Variants in RELN observed in about 807,000 individuals in gnomAD.
The protein encoded by RELN is reelin.
RELN carries 108 observed loss-of-function variants against 427.6 expected under a neutral mutation model. The ratio of observed to expected loss-of-function variants is 0.25; its 90% CI spans 0.22 to 0.30. The LOEUF (loss-of-function observed/expected upper bound fraction) is 0.30. Among genes scored for constraint, RELN ranks in the 10% least tolerant of loss-of-function variants. RELN has a pLI of 1.00. For synonymous variants in RELN, 1,524 were observed against 1,513.4 expected (o/e 1.01, Z -0.16); for missense variants, 3,715 against 4,302.8 (o/e 0.86, Z 3.82).
chr7:103,675,935 C>T (rs575406307), intron 11 of RELN, among the ~76,000 whole-genome samples: 37 of 152,214 alleles, frequency 2.4e-4, no homozygotes, highest in African/African-American at 8.4e-4. Context: ...CATAAATACC[C>T]TAGAAGAAAA....
intron 28 of RELN, among the ~76,000 whole-genome samples, chr7:103,585,321 T>C (rs985812216): frequency 1.3e-5 from 2 of 151,854 alleles, no homozygotes; most frequent in Non-Finnish European, 2.9e-5. Flanking sequence ...TTATGCAAGA[T>C]GAAAAGAGAG....
intron 46 of RELN, among the ~76,000 whole-genome samples, chr7:103,532,132 T>C (rs1053483877): frequency 6.6e-6 from 1 of 152,190 alleles, no homozygotes; most frequent in Non-Finnish European, 1.5e-5. Flanking sequence ...GAGAATCATG[T>C]CCTTTGCAGG....
intron 2 of RELN, among the ~76,000 whole-genome samples, chr7:103,844,295 G>A (rs1793624397): frequency 2.0e-5 from 3 of 152,076 alleles, no homozygotes; most frequent in African/African-American, 7.2e-5. Flanking sequence ...TCTCCTCAAT[G>A]CCAAAGAAAT....
At chr7:103,636,172 A>T in intron 18 of RELN, 63 bp downstream of exon 18, 1 of 1,046,166 alleles carries the variant, frequency 9.6e-7, no homozygotes, top group Non-Finnish European at 1.5e-6. Context: ...AAAAATGGAC[A>T]GTATAACTAA....
intron 1 of RELN, among the ~76,000 whole-genome samples, chr7:103,937,408 C>G (rs372125747): frequency 1.3e-5 from 2 of 152,152 alleles, no homozygotes; most frequent in African/African-American, 4.8e-5. Flanking sequence ...TTTATACTTT[C>G]TAGTTTGTGT....
chr7:103,974,320 A>G (rs1172572486), intron 1 of RELN, among the ~76,000 whole-genome samples: 3 of 152,218 alleles, frequency 2.0e-5, no homozygotes, highest in Non-Finnish European at 2.9e-5. Context: ...CCCTTGTCCA[A>G]GGCCACATGA....
rs781655960 is a variant in RELN at position 103,589,833 on chromosome 7, T to TA, written c.3913-6dup. The TA allele has an allele frequency of 8.1e-5, 126 of 1,561,238 alleles. No individual in the cohort carries two copies. The highest frequency in any genetic ancestry group is 1.1e-4 in the Non-Finnish European group (119 of 1,132,046). On this transcript the variant is annotated splice_region_variant and splice_polypyrimidine_tract_variant and intron_variant, in intron 27 of 64. Coordinates refer to ENST00000428762, the MANE Select transcript of RELN (RefSeq NM_005045.4). ...ATTGGCACAACCTATGTTTAGCTGT[T>TA]AAAAGGAAGGACAAGAATTATACAA...
intron 2 of RELN, among the ~76,000 whole-genome samples, chr7:103,907,462 C>T (rs897051004): frequency 2.2e-5 from 3 of 134,982 alleles, no homozygotes; most frequent in African/African-American, 8.3e-5. Context: ...CAAAAGGCTG[C>T]ATGTTATATG....
chr7:103,780,537 C>A (rs2116227700), intron 3 of RELN, among the ~76,000 whole-genome samples: 1 of 152,238 alleles, frequency 6.6e-6, no homozygotes, highest in South Asian at 2.1e-4. Context: ...TTTTCCTGAT[C>A]TTCTCCCTAC....
intron 5 of RELN, among the ~76,000 whole-genome samples, chr7:103,751,819 T>G (rs573992971): frequency 6.6e-6 from 1 of 152,332 alleles, no homozygotes; most frequent in South Asian, 2.1e-4. Context: ...TTAATTGGGT[T>G]TATAGGTTGA....
At chr7:103,482,787 T>C in intron 63 of RELN, 86 bp downstream of exon 63, 1 of 1,604,372 alleles carries the variant, frequency 6.2e-7, no homozygotes. Flanking sequence ...CAAAAACGGA[T>C]CTTACTGAAT....
intron 4 of RELN, among the ~76,000 whole-genome samples, chr7:103,764,578 C>G (rs1791382500): frequency 6.6e-6 from 1 of 151,988 alleles, no homozygotes; most frequent in Non-Finnish European, 1.5e-5. Flanking sequence ...TGGCTCATGC[C>G]TGGAATCCCA....
At chr7:103,572,730 G>A (rs1302395425) in intron 30 of RELN, among the ~76,000 whole-genome samples, 4 of 151,328 alleles carry the variant, frequency 2.6e-5, no homozygotes, top group Non-Finnish European at 4.4e-5. Context: ...TAGTAGAGAC[G>A]GGGCTAACAC....
At chr7:103,703,395 T>A (rs1208608888) in intron 8 of RELN, among the ~76,000 whole-genome samples, 3 of 152,220 alleles carry the variant, frequency 2.0e-5, no homozygotes, top group Non-Finnish European at 2.9e-5. Flanking sequence ...CTTGCCCAGA[T>A]GGAAATGGCT....
chr7:103,774,889 C>A (rs548354174), intron 4 of RELN, among the ~76,000 whole-genome samples: 11 of 152,050 alleles, frequency 7.2e-5, no homozygotes, highest in Non-Finnish European at 1.3e-4. Context: ...TTAATAATAT[C>A]CACATGTACC....
chr7:103,776,509 C>A lies in RELN; in HGVS notation c.544+48G>T, dbSNP rs199732600. The A allele has an allele frequency of 8.2e-5, 129 of 1,579,346 alleles. 2 individuals are homozygous for A. In the East Asian group the frequency reaches 1.0e-3, roughly 12 times the overall value. ...CTTGGTACATAGAACACAGGACCTA[C>A]CATGAATAGTTTGGACATAACACAA... On this transcript the variant is annotated intron_variant, in intron 4 of 64. Coordinates refer to ENST00000428762, the MANE Select transcript of RELN (RefSeq NM_005045.4).
In RELN at chr7:103,824,104, C is replaced by A. The variant is rs1215459818; in HGVS notation, c.473+9433G>T. Reference sequence around the variant, plus strand: ...TTGATATACTGAAGGCTTATCACGACCTTTATCAGTACTAATTTATTTTAT... The same window carrying A: ...TTGATATACTGAAGGCTTATCACGAACTTTATCAGTACTAATTTATTTTAT... On this transcript the variant is annotated intron_variant, in intron 3 of 64. Coordinates refer to ENST00000428762, the MANE Select transcript of RELN (RefSeq NM_005045.4). This position sits in a 1 kb window ranked among gnomAD's most constrained non-coding sequence, Gnocchi z 4.4. Among the ~76,000 whole-genome samples the A allele has an allele frequency of 2.0e-5, 3 of 151,982 alleles. No homozygotes were observed. In the East Asian group the frequency reaches 5.8e-4, roughly 29 times the overall value.
intron 2 of RELN, among the ~76,000 whole-genome samples, chr7:103,860,785 T>A (rs947427947): frequency 2.6e-5 from 4 of 152,174 alleles, no homozygotes; most frequent in Admixed American, 2.6e-4. Flanking sequence ...TGTATTATCA[T>A]CATCATCATC....
At chr7:103,599,613 A>G (rs943612766) in intron 24 of RELN, among the ~76,000 whole-genome samples, 3 of 152,166 alleles carry the variant, frequency 2.0e-5, no homozygotes, top group African/African-American at 7.2e-5. Flanking sequence ...ATCAGAGAGG[A>G]ATTCTAAGAA....
Sources: allele counts gnomAD v4.1 joint callset (sites outside exome capture counted in the v4.1 genomes callset), GRCh38; gene constraint gnomAD v4.1.1; non-coding constraint Gnocchi (gnomAD v3.1); transcripts MANE v1.5; gene names NCBI Gene and HGNC (gene_info 2026-07-23, HGNC 2026-07-21).